The following HIVEP2 variants were observed in gnomAD, a reference collection of about 807,000 sequenced individuals.
HIVEP2 encodes the protein HIVEP zinc finger 2.
In HIVEP2, 14 loss-of-function variants were observed where a neutral mutation model predicts 180.7. The ratio of observed to expected loss-of-function variants is 0.08; its 90% CI spans 0.05 to 0.12. The LOEUF (loss-of-function observed/expected upper bound fraction) is 0.12, where lower values mean the gene tolerates loss of function less well. Among genes scored for constraint, HIVEP2 ranks in the 10% least tolerant of loss-of-function variants. The probability of loss-of-function intolerance (pLI) is 1.00; values close to 1 mark genes in which losing one functional copy is unlikely to be tolerated. For synonymous variants in HIVEP2, 1,184 were observed against 1,136.4 expected, an observed-to-expected ratio of 1.04 and a Z score of -0.84; for missense variants, 2,579 against 3,008.5, an observed-to-expected ratio of 0.86 and a Z score of 3.34.
At chr6:142,798,952 T>C (rs899590644) in intron 2 of HIVEP2, among the ~76,000 whole-genome samples, 3 of 152,162 alleles carry the variant, frequency 2.0e-5, no homozygotes, top group Non-Finnish European at 4.4e-5. Flanking sequence ...GAGTTAAGTT[T>C]CCAGAAGCTA....
At chr6:142,906,121 G>A (rs1395628522) in intron 1 of HIVEP2, among the ~76,000 whole-genome samples, 2 of 152,104 alleles carry the variant, frequency 1.3e-5, no homozygotes, top group South Asian at 2.1e-4. Context: ...TTGACAGAGT[G>A]AGACTCTGTC....
At position 142,838,693 on chromosome 6, in the gene HIVEP2, CCTTCAAGATGCAGGACAAA is replaced by C. The variant is rs1469291110; in HGVS notation, c.-640-1665_-640-1647del. ...TTTCCAAGAAAGAGGTAGGGCACTCCCTTCAAGATGCAGGACAAACTTCAAGATTCTTAAAAATCCTTTC... is the reference window on the plus strand; with the variant it reads ...TTTCCAAGAAAGAGGTAGGGCACTCCCTTCAAGATTCTTAAAAATCCTTTC... On this transcript the variant is annotated intron_variant, in intron 1 of 9. Coordinates refer to ENST00000367603, the MANE Select transcript of HIVEP2 (RefSeq NM_006734.4). 3.3e-5 allele frequency among the ~76,000 whole-genome samples: 5 copies of C among 152,164 alleles called. No individual in the cohort carries two copies. In the East Asian group the frequency reaches 9.7e-4, roughly 29 times the overall value.
chr6:142,813,190 A>T (rs942057263), intron 2 of HIVEP2, among the ~76,000 whole-genome samples: 8 of 152,220 alleles, frequency 5.3e-5, no homozygotes, highest in Non-Finnish European at 1.0e-4. Context: ...TATACAGCCA[A>T]ATATACATCA....
intron 2 of HIVEP2, among the ~76,000 whole-genome samples, chr6:142,795,917 A>C (rs1776266419): frequency 2.0e-5 from 3 of 152,194 alleles, no homozygotes. Context: ...TGCCATGGAC[A>C]AACCGTGGGT....
At chr6:142,848,628 T>C (rs1327105311) in intron 1 of HIVEP2, among the ~76,000 whole-genome samples, 1 of 151,804 alleles carries the variant, frequency 6.6e-6, no homozygotes, top group Non-Finnish European at 1.5e-5. Context: ...GTGGCTGAGG[T>C]GGGAGGATTG....
intron 1 of HIVEP2, among the ~76,000 whole-genome samples, chr6:142,922,377 T>C (rs557662169): frequency 3.9e-5 from 6 of 152,320 alleles, no homozygotes; most frequent in African/African-American, 1.4e-4. Context: ...GTTCCTTCAC[T>C]TGACTATGAT....
At chr6:142,877,105 A>T (rs552452028) in intron 1 of HIVEP2, among the ~76,000 whole-genome samples, 1 of 152,310 alleles carries the variant, frequency 6.6e-6, no homozygotes, top group Admixed American at 6.5e-5. Flanking sequence ...TTTCTACAAA[A>T]GTATCAACTT....
At chr6:142,901,563 T>C (rs182578979) in intron 1 of HIVEP2, among the ~76,000 whole-genome samples, 1 of 152,314 alleles carries the variant, frequency 6.6e-6, no homozygotes, top group Admixed American at 6.5e-5. Context: ...ATGTCTATGC[T>C]GCCCCTCCTT....
intron 1 of HIVEP2, among the ~76,000 whole-genome samples, chr6:142,928,282 T>A (rs964144036): frequency 4.6e-5 from 7 of 152,140 alleles, no homozygotes; most frequent in African/African-American, 1.4e-4. Flanking sequence ...ATGTTTAGGG[T>A]TTTATGAGTA....
Position 142,938,048 on chromosome 6 carries a change from A to G in HIVEP2, c.-641+7051T>C, listed in dbSNP as rs555673296. 3.3e-5 allele frequency among the ~76,000 whole-genome samples: 5 copies of G among 152,318 alleles called. 1 individual carries two copies. Among genetic ancestry groups the G allele is most frequent in the African/African-American group, 1.2e-4 (5 of 41,572 alleles). The stretch of plus-strand genomic sequence containing the variant: ...ATGACATTGCATTCTCTACAACTAC[A>G]AAGTAGAATTTATAAACTGATAGAA... On this transcript the variant is annotated intron_variant, in intron 1 of 9. Transcript: ENST00000367603.
At chr6:142,926,267 C>T (rs1049995493) in intron 1 of HIVEP2, among the ~76,000 whole-genome samples, 8 of 152,188 alleles carry the variant, frequency 5.3e-5, no homozygotes, top group African/African-American at 1.9e-4. Context: ...GGCTTTGACA[C>T]TGTCTTCAAA....
chr6:142,866,567 C>T (rs1168327242), intron 1 of HIVEP2, among the ~76,000 whole-genome samples: 1 of 152,076 alleles, frequency 6.6e-6, no homozygotes, highest in Non-Finnish European at 1.5e-5. Context: ...AAAGTGCCTA[C>T]CTTTAATTTT....
intron 1 of HIVEP2, among the ~76,000 whole-genome samples, chr6:142,892,962 A>C (rs1006415397): frequency 6.6e-6 from 1 of 152,240 alleles, no homozygotes; most frequent in Non-Finnish European, 1.5e-5. Context: ...AACATAGAGC[A>C]AAAGTTACAT....
At chr6:142,867,259 C>A (rs567598171) in intron 1 of HIVEP2, among the ~76,000 whole-genome samples, 1 of 152,028 alleles carries the variant, frequency 6.6e-6, no homozygotes, top group East Asian at 1.9e-4. Flanking sequence ...GTGTTAATAA[C>A]TTTACAGGAA....
intron 1 of HIVEP2, among the ~76,000 whole-genome samples, chr6:142,898,392 T>A (rs1777051596): frequency 6.6e-6 from 1 of 152,192 alleles, no homozygotes. Context: ...CCGCGCGCAG[T>A]GGCTCACACC....
chr6:142,797,805 C>T (rs1427832198), intron 2 of HIVEP2, among the ~76,000 whole-genome samples: 1 of 151,774 alleles, frequency 6.6e-6, no homozygotes, highest in African/African-American at 2.4e-5. Flanking sequence ...GGTATGTATG[C>T]ACAGAAGAAA....
intron 9 of HIVEP2, among the ~76,000 whole-genome samples, chr6:142,755,265 T>C (rs371325031): frequency 6.6e-6 from 1 of 152,206 alleles, no homozygotes; most frequent in South Asian, 2.1e-4. Flanking sequence ...ATTAACACTA[T>C]CGTTACCACG....
chr6:142,797,398 T>C (rs543505506), intron 2 of HIVEP2, among the ~76,000 whole-genome samples: 79 of 152,310 alleles, frequency 5.2e-4, no homozygotes, highest in Admixed American at 1.8e-3. Flanking sequence ...AAGTCTGAAA[T>C]ACTTTAGTCA....
intron 1 of HIVEP2, among the ~76,000 whole-genome samples, chr6:142,916,782 G>A (rs1026480071): frequency 1.3e-5 from 2 of 152,148 alleles, no homozygotes; most frequent in African/African-American, 4.8e-5. Context: ...CTTTGTTCCT[G>A]CTGTATCCCC....
Sources: allele counts gnomAD v4.1 joint callset (sites outside exome capture counted in the v4.1 genomes callset), GRCh38; gene constraint gnomAD v4.1.1; transcripts MANE v1.5; gene names NCBI Gene and HGNC (gene_info 2026-07-23, HGNC 2026-07-21).